The following DIAPH3 variants were observed in gnomAD, a reference collection of about 807,000 sequenced individuals.
DIAPH3 encodes diaphanous related formin 3.
In DIAPH3, 117 loss-of-function variants were observed where a neutral mutation model predicts 144.3. The ratio of observed to expected loss-of-function variants is 0.81; its 90% CI spans 0.70 to 0.95. DIAPH3 has a LOEUF of 0.95. Among genes scored for constraint, DIAPH3 ranks in the 40% least tolerant of loss-of-function variants. DIAPH3 has a pLI of 0.00. For missense variants in DIAPH3, 1,421 were observed against 1,412.7 expected, an observed-to-expected ratio of 1.01 and a Z score of -0.09; for synonymous variants, 519 against 488.9, an observed-to-expected ratio of 1.06 and a Z score of -0.81.
At chr13:60,018,482 T>C (rs2053803452) in intron 5 of DIAPH3, among the ~76,000 whole-genome samples, 1 of 152,116 alleles carries the variant, frequency 6.6e-6, no homozygotes, top group African/African-American at 2.4e-5. Flanking sequence ...TTAACATAAT[T>C]ATAACTAGAA....
chr13:59,893,761 A>G (rs993818162), intron 20 of DIAPH3, among the ~76,000 whole-genome samples: 1 of 152,158 alleles, frequency 6.6e-6, no homozygotes, highest in African/African-American at 2.4e-5. Context: ...TAACCAGCTC[A>G]TATTTCGAAC....
rs117514838 is a variant in DIAPH3 at position 59,701,075 on chromosome 13, G to A, written c.3320-34229C>T. 2.1e-3 allele frequency among the ~76,000 whole-genome samples: 317 copies of A among 152,164 alleles called. 5 individuals are homozygous for A. The East Asian group carries it at 0.039, about 19-fold the overall frequency. On this transcript the variant is annotated intron_variant, in intron 27 of 27. Coordinates refer to ENST00000400324, the MANE Select transcript of DIAPH3 (RefSeq NM_001042517.2). Reference sequence around the variant, plus strand: ...GTATGTATATATACATTGCATGTATGTATATTTTATAATGTTCTCTCCCAG... The same window carrying A: ...GTATGTATATATACATTGCATGTATATATATTTTATAATGTTCTCTCCCAG...
At chr13:60,099,833 C>T (rs1416432581) in intron 3 of DIAPH3, among the ~76,000 whole-genome samples, 1 of 149,724 alleles carries the variant, frequency 6.7e-6, no homozygotes, top group African/African-American at 2.5e-5. Context: ...TCATTCAATA[C>T]GTGGGAACAC....
At chr13:59,795,807 G>C (rs939272701) in intron 25 of DIAPH3, among the ~76,000 whole-genome samples, 1 of 152,046 alleles carries the variant, frequency 6.6e-6, no homozygotes, top group Non-Finnish European at 1.5e-5. Flanking sequence ...CTTAAAGTTT[G>C]TTACTAGACA....
At chr13:60,098,516 C>A (rs1021985512) in intron 3 of DIAPH3, among the ~76,000 whole-genome samples, 3 of 151,832 alleles carry the variant, frequency 2.0e-5, no homozygotes, top group African/African-American at 7.3e-5. Flanking sequence ...CTAAAAGTAC[C>A]TACTATACCA....
intron 18 of DIAPH3, among the ~76,000 whole-genome samples, chr13:59,924,506 G>A (rs904147088): frequency 6.6e-6 from 1 of 150,430 alleles, no homozygotes; most frequent in South Asian, 2.1e-4. Context: ...TAAAAAAAGG[G>A]ACTTTAAAGA....
At chr13:59,791,133 TA>T (rs919129443) in intron 25 of DIAPH3, among the ~76,000 whole-genome samples, 8 of 151,844 alleles carry the variant, frequency 5.3e-5, no homozygotes, top group East Asian at 1.9e-4. Context: ...CCCAAGTAAT[TA>T]AAAAAAATTT....
chr13:60,038,117 G>C (rs947340631), intron 5 of DIAPH3, among the ~76,000 whole-genome samples: 1 of 152,042 alleles, frequency 6.6e-6, no homozygotes, highest in South Asian at 2.1e-4. Flanking sequence ...AGAATAGTAG[G>C]GGGAAGGGGT....
chr13:59,762,119 C>T (rs770595210), intron 27 of DIAPH3, among the ~76,000 whole-genome samples: 1 of 129,598 alleles, frequency 7.7e-6, no homozygotes, highest in Admixed American at 9.4e-5. Context: ...AGTGCAGTGG[C>T]GCGATCTCAA....
At chr13:59,842,400 G>A (rs1383576699) in intron 22 of DIAPH3, among the ~76,000 whole-genome samples, 2 of 152,062 alleles carry the variant, frequency 1.3e-5, no homozygotes, top group African/African-American at 2.4e-5. Flanking sequence ...GCAAATGTTG[G>A]GAGGGAACAT....
intron 27 of DIAPH3, among the ~76,000 whole-genome samples, chr13:59,722,897 C>T (rs995791589): frequency 2.6e-5 from 4 of 152,062 alleles, no homozygotes; most frequent in South Asian, 2.1e-4. Context: ...CTAATGACCC[C>T]GAATCCACTT....
Position 59,969,966 on chromosome 13 carries a change from A to G in DIAPH3, c.2052T>C (p.Asn684=). 6.2e-7 allele frequency: 1 copy of G among 1,606,352 alleles called. No individual in the cohort carries two copies. Among genetic ancestry groups the G allele is most frequent in the South Asian group, 1.1e-5 (1 of 89,790 alleles). Residue 684 remains asparagine (N), a synonymous_variant, in exon 17 of 28, where the codon AAT becomes AAC. Coordinates refer to ENST00000400324, the MANE Select transcript of DIAPH3 (RefSeq NM_001042517.2). ...TACCTTTTTGTTGGCAACAAAATGT[A>G]TTCTCAAGTTTACAAAGCAAATCCA... The part of the protein sequence containing the change: ...ENVDLLCKLE[N]TFCCQQKERR...
intron 2 of DIAPH3, among the ~76,000 whole-genome samples, chr13:60,129,574 G>A (rs1414113297): frequency 1.3e-5 from 2 of 152,084 alleles, no homozygotes; most frequent in African/African-American, 2.4e-5. Flanking sequence ...AATGCTTCCC[G>A]TGATGTTTTA....
chr13:60,056,180 G>T (rs2056550582), intron 4 of DIAPH3, among the ~76,000 whole-genome samples: 1 of 150,206 alleles, frequency 6.7e-6, no homozygotes, highest in Non-Finnish European at 1.5e-5. Context: ...TGAGGTTTTT[G>T]AATATATATA....
chr13:59,822,970 T>TG, intron 24 of DIAPH3, among the ~76,000 whole-genome samples: 1 of 152,274 alleles, frequency 6.6e-6, no homozygotes, highest in African/African-American at 2.4e-5. Context: ...TATCTTATTA[T>TG]TATGTATTAG....
At chr13:59,902,308 T>C (rs777176535) in intron 20 of DIAPH3, among the ~76,000 whole-genome samples, 3 of 152,030 alleles carry the variant, frequency 2.0e-5, no homozygotes, top group Non-Finnish European at 4.4e-5. Context: ...GATCTGGCTG[T>C]TTAAAAGTGT....
At chr13:59,929,267 G>A (rs1238398237) in intron 17 of DIAPH3, among the ~76,000 whole-genome samples, 1 of 152,030 alleles carries the variant, frequency 6.6e-6, no homozygotes, top group East Asian at 1.9e-4. Flanking sequence ...ATATATTTTG[G>A]TACATAGCAT....
At chr13:60,086,145 T>C (rs2057739382) in intron 4 of DIAPH3, among the ~76,000 whole-genome samples, 1 of 152,132 alleles carries the variant, frequency 6.6e-6, no homozygotes, top group African/African-American at 2.4e-5. Flanking sequence ...AATTCTAATG[T>C]GAGCCTAATA....
chr13:59,853,279 G>A (rs1318054177), intron 22 of DIAPH3, among the ~76,000 whole-genome samples: 1 of 152,102 alleles, frequency 6.6e-6, no homozygotes, highest in African/African-American at 2.4e-5. Context: ...AGTTATTGCT[G>A]TTATCATGGC....
Sources: allele counts gnomAD v4.1 joint callset (sites outside exome capture counted in the v4.1 genomes callset), GRCh38; gene constraint gnomAD v4.1.1; transcripts MANE v1.5; gene names NCBI Gene and HGNC (gene_info 2026-07-23, HGNC 2026-07-21).